DPP6: variants seen among roughly 807,000 people sequenced by gnomAD.
DPP6 encodes the protein dipeptidyl peptidase like 6.
A neutral mutation model predicts 122.6 loss-of-function variants in DPP6; 69 were observed. The observed-to-expected ratio is 0.56, with a 90% CI of 0.46 to 0.69. The LOEUF is 0.69. Ranked by LOEUF, DPP6 falls within the 30% of genes least tolerant of loss-of-function variation. The probability of loss-of-function intolerance (pLI) is 0.00; values close to 1 mark genes in which losing one functional copy is unlikely to be tolerated. For synonymous variants in DPP6, 418 were observed against 433.1 expected (o/e 0.97, Z 0.43); for missense variants, 928 against 1,116.9 (o/e 0.83, Z 2.41).
At chr7:154,633,157 C>G (rs1563038750) in intron 5 of DPP6, among the ~76,000 whole-genome samples, 1 of 152,024 alleles carries the variant, frequency 6.6e-6, no homozygotes, top group Admixed American at 6.5e-5. Context: ...CTGAAAGCAG[C>G]CTTACTAATT....
chr7:154,157,564 G>A (rs1157734927), intron 1 of DPP6, among the ~76,000 whole-genome samples: 1 of 152,136 alleles, frequency 6.6e-6, no homozygotes, highest in Non-Finnish European at 1.5e-5. Flanking sequence ...CTCCCCAGTT[G>A]CTAATATGTT....
intron 1 of DPP6, among the ~76,000 whole-genome samples, chr7:154,165,335 C>G (rs1274353044): frequency 7.0e-6 from 1 of 142,274 alleles, no homozygotes; most frequent in Non-Finnish European, 1.5e-5. Flanking sequence ...AGGACATGAA[C>G]TCATCATTTT....
At chr7:153,763,825 T>C in the DPP6 span, among the ~76,000 whole-genome samples, 1 of 152,186 alleles carries the variant, frequency 6.6e-6, no homozygotes, top group Non-Finnish European at 1.5e-5. Context: ...TTTGTTGTTT[T>C]TATTTGAGCT....
At chr7:153,925,349 G>A (rs778814561) in intron 1 of DPP6, among the ~76,000 whole-genome samples, 14 of 151,836 alleles carry the variant, frequency 9.2e-5, no homozygotes, top group Non-Finnish European at 2.1e-4. Flanking sequence ...ATCCTGCATG[G>A]TTGAGGGTCC....
chr7:154,655,681 T>C (rs534434408), intron 6 of DPP6, among the ~76,000 whole-genome samples: 6 of 152,312 alleles, frequency 3.9e-5, no homozygotes, highest in East Asian at 1.9e-4. Context: ...ATGCGAGGAA[T>C]TGGGGCTTAA....
chr7:154,506,959 G>A (rs532280464), intron 3 of DPP6, among the ~76,000 whole-genome samples: 17 of 152,222 alleles, frequency 1.1e-4, no homozygotes, highest in Middle Eastern at 6.8e-3. Flanking sequence ...AAAGTTTTCC[G>A]AGAGCCTGGA....
chr7:153,901,633 C>T (rs1042174330), intron 1 of DPP6, among the ~76,000 whole-genome samples: 2 of 152,196 alleles, frequency 1.3e-5, no homozygotes, highest in Non-Finnish European at 2.9e-5. Flanking sequence ...TCAGTGAGCA[C>T]AGGAATGGCA....
intron 1 of DPP6, among the ~76,000 whole-genome samples, chr7:153,998,308 C>T (rs1015617356): frequency 2.6e-5 from 4 of 152,138 alleles, no homozygotes; most frequent in African/African-American, 7.2e-5. Flanking sequence ...ATCAAATATT[C>T]TATATTTAAT....
intron 1 of DPP6, among the ~76,000 whole-genome samples, chr7:153,902,818 A>G (rs1426673694): frequency 6.6e-6 from 1 of 152,134 alleles, no homozygotes; most frequent in Non-Finnish European, 1.5e-5. Flanking sequence ...CCTGGGTAAC[A>G]AGAGTGAAAC....
intron 7 of DPP6, among the ~76,000 whole-genome samples, chr7:154,696,785 T>G (rs1277056435): frequency 1.3e-5 from 2 of 152,216 alleles, no homozygotes. Flanking sequence ...AATGAGAACC[T>G]CCTGGTCAGA....
the DPP6 span, among the ~76,000 whole-genome samples, chr7:153,856,983 C>T: frequency 2.0e-5 from 3 of 152,044 alleles, no homozygotes; most frequent in East Asian, 1.9e-4. Flanking sequence ...TTTTTCAAAA[C>T]GTCTGAATAA....
At chr7:154,686,825 A>G (rs3807239) in intron 7 of DPP6, among the ~76,000 whole-genome samples, 1,850 of 152,252 alleles carry the variant, frequency 0.012, 90 homozygotes, top group Admixed American at 0.087. Context: ...TGTTAATGAA[A>G]TATTTTATGA....
intron 1 of DPP6, among the ~76,000 whole-genome samples, chr7:153,887,954 C>T (rs530244724): frequency 2.0e-5 from 3 of 152,330 alleles, no homozygotes; most frequent in Admixed American, 6.5e-5. Context: ...TTTGCGGCTC[C>T]GCGGCCCCTC....
chr7:154,062,294 C>G lies in DPP6; in HGVS notation c.243+9231C>G, dbSNP rs1160095500. Among the ~76,000 whole-genome samples the G allele has an allele frequency of 2.8e-4, 22 of 79,936 alleles. 4 individuals carry two copies. The highest frequency in any genetic ancestry group is 4.5e-4 in the Non-Finnish European group (18 of 39,984). The allele number at this position is 79,936 out of a possible 152,430, so 52.4% of individuals were successfully genotyped here. On this transcript the variant is annotated intron_variant, in intron 1 of 25. Transcript: ENST00000377770. ...GATTACTGAGAGCCAGTCCCTCTTC[C>G]CCCCCGGCTCTGAGGACCCCCATCG...
At chr7:154,472,792 G>A (rs1337171262) in intron 2 of DPP6, among the ~76,000 whole-genome samples, 1 of 152,214 alleles carries the variant, frequency 6.6e-6, no homozygotes, top group Non-Finnish European at 1.5e-5. Flanking sequence ...ATTAAGGACA[G>A]AGTCATGTCC....
the DPP6 span, among the ~76,000 whole-genome samples, chr7:153,803,022 T>C: frequency 1.3e-5 from 2 of 150,810 alleles, no homozygotes; most frequent in African/African-American, 2.4e-5. Context: ...TCACTGCTGC[T>C]GTGTTCCACG....
In DPP6 at chr7:154,063,019, G is replaced by T. The variant is rs1220325549; in HGVS notation, c.243+9956G>T. ...CAGTCCCTCTTCCCCCCCTGGCTCT[G>T]AGGAACCCCATCACAGGAGGGGGAG... On this transcript the variant is annotated intron_variant, in intron 1 of 25. Coordinates refer to ENST00000377770, the MANE Select transcript of DPP6 (RefSeq NM_130797.4). 2.4e-3 allele frequency among the ~76,000 whole-genome samples: 286 copies of T among 119,856 alleles called. 23 individuals are homozygous for T. The highest frequency in any genetic ancestry group is 6.2e-3 in the South Asian group (20 of 3,234). 78.6% of individuals were successfully genotyped at this position (119,856 alleles called of 152,430 possible).
chr7:154,171,458 C>G (rs897410299), intron 1 of DPP6, among the ~76,000 whole-genome samples: 33 of 152,198 alleles, frequency 2.2e-4, no homozygotes, highest in Non-Finnish European at 7.3e-5. Flanking sequence ...CTGAGCAAAT[C>G]TGCTCTGTTC....
chr7:154,447,896 A>T (rs1820024753), intron 2 of DPP6, among the ~76,000 whole-genome samples: 1 of 152,178 alleles, frequency 6.6e-6, no homozygotes, highest in African/African-American at 2.4e-5. Context: ...AAGACTCAAC[A>T]AGCTAGGAAC....
Sources: gnomAD v4.1 joint callset for allele counts (sites outside exome capture counted in the v4.1 genomes callset) on GRCh38, gnomAD v4.1.1 for gene constraint, MANE v1.5 for transcripts, NCBI Gene and HGNC (gene_info 2026-07-23, HGNC 2026-07-21) for gene names.